The following AFG2A variants were observed in gnomAD, a reference collection of about 807,000 sequenced individuals.
AFG2A encodes ATPase family gene 2 protein homolog A.
the AFG2A span, chr4:123,057,358 T>C: frequency 1.4e-6 from 2 of 1,466,052 alleles, no homozygotes; most frequent in African/African-American, 1.4e-5. Context: ...AATTATGGTA[T>C]AAATAGCATT....
chr4:123,151,988 G>A, the AFG2A span, among the ~76,000 whole-genome samples: 2 of 152,150 alleles, frequency 1.3e-5, no homozygotes, highest in Non-Finnish European at 1.5e-5. Flanking sequence ...GGACATGGTT[G>A]AAACTGGAAA....
chr4:123,223,186 C>A, the AFG2A span, among the ~76,000 whole-genome samples: 1 of 152,160 alleles, frequency 6.6e-6, no homozygotes, highest in African/African-American at 2.4e-5. Flanking sequence ...TTTTCCACAT[C>A]CTCACCAACT....
chr4:123,299,974 C>G, the AFG2A span, among the ~76,000 whole-genome samples: 1 of 152,142 alleles, frequency 6.6e-6, no homozygotes, highest in Non-Finnish European at 1.5e-5. Context: ...TCTTTTTCTA[C>G]AACTCTTTGC....
At chr4:123,037,772 AT>A in the AFG2A span, among the ~76,000 whole-genome samples, 4 of 152,102 alleles carry the variant, frequency 2.6e-5, no homozygotes, top group Non-Finnish European at 5.9e-5. Context: ...TTAAAAAATT[AT>A]TTTTAGCAGC....
chr4:123,122,781 GT>G, the AFG2A span, among the ~76,000 whole-genome samples: 115 of 132,174 alleles, frequency 8.7e-4, 1 homozygote, highest in East Asian at 6.4e-3. Flanking sequence ...CTGTTTTTTT[GT>G]TTTTTTTTTT....
chr4:123,092,164 A>G, the AFG2A span, among the ~76,000 whole-genome samples: 16 of 152,156 alleles, frequency 1.1e-4, no homozygotes, highest in African/African-American at 3.6e-4. Context: ...GCATCTCTGA[A>G]GTCTATACAA....
the AFG2A span, among the ~76,000 whole-genome samples, chr4:123,117,237 A>C: frequency 6.6e-6 from 1 of 151,910 alleles, no homozygotes; most frequent in Admixed American, 6.6e-5. Context: ...TTCTTTGTTC[A>C]TTTCATAAAG....
At chr4:123,199,888 A>C in the AFG2A span, among the ~76,000 whole-genome samples, 1 of 152,186 alleles carries the variant, frequency 6.6e-6, no homozygotes, top group Non-Finnish European at 1.5e-5. Context: ...TGTAGTTTTT[A>C]TTTTATGTGG....
the AFG2A span, among the ~76,000 whole-genome samples, chr4:123,191,097 G>A: frequency 6.6e-6 from 1 of 152,080 alleles, no homozygotes; most frequent in African/African-American, 2.4e-5. Flanking sequence ...GTTTGGCAGG[G>A]TAATTCTGAT....
the AFG2A span, among the ~76,000 whole-genome samples, chr4:122,932,601 G>A: frequency 6.6e-6 from 1 of 152,126 alleles, no homozygotes; most frequent in Admixed American, 6.6e-5. Context: ...TTATGCACAA[G>A]AGGAGGAGGA....
chr4:123,143,312 A>G, the AFG2A span, among the ~76,000 whole-genome samples: 3 of 152,078 alleles, frequency 2.0e-5, no homozygotes, highest in Non-Finnish European at 2.9e-5. Flanking sequence ...CTGTTTTACA[A>G]AATATTTCAG....
At chr4:123,169,570 C>T in the AFG2A span, among the ~76,000 whole-genome samples, 4 of 152,268 alleles carry the variant, frequency 2.6e-5, no homozygotes, top group East Asian at 1.9e-4. Flanking sequence ...CTCTGCTTCC[C>T]GGGCTTCAAG....
At chr4:123,095,059 A>ATG in the AFG2A span, among the ~76,000 whole-genome samples, 21 of 117,102 alleles carry the variant, frequency 1.8e-4, no homozygotes, top group African/African-American at 6.5e-4. Flanking sequence ...ATATATATAT[A>ATG]TATATATGTG....
At chr4:123,049,567 G>T in the AFG2A span, among the ~76,000 whole-genome samples, 1,607 of 151,968 alleles carry the variant, frequency 0.011, 29 homozygotes, top group African/African-American at 0.036. Flanking sequence ...GTCTTGGTAA[G>T]TTGTGTCCAG....
At chr4:123,076,952 C>A in the AFG2A span, among the ~76,000 whole-genome samples, 1 of 46,558 alleles carries the variant, frequency 2.1e-5, no homozygotes, top group Admixed American at 2.0e-4. Flanking sequence ...AAACTCAAGC[C>A]CTGTGCTGTG....
the AFG2A span, among the ~76,000 whole-genome samples, chr4:122,929,996 A>C: frequency 0.015 from 2,359 of 152,268 alleles, 57 homozygotes; most frequent in African/African-American, 0.052. Context: ...AGTGTTTTTC[A>C]CCTTGACTTG....
chr4:123,030,123 T>A, the AFG2A span, among the ~76,000 whole-genome samples: 3 of 152,236 alleles, frequency 2.0e-5, no homozygotes, highest in Non-Finnish European at 4.4e-5. Flanking sequence ...TCTACAATTG[T>A]ATATTCATAG....
At chr4:123,022,692 C>T in the AFG2A span, among the ~76,000 whole-genome samples, 3 of 150,876 alleles carry the variant, frequency 2.0e-5, no homozygotes, top group African/African-American at 7.3e-5. Context: ...TGGGTATATA[C>T]CCAAAGGACT....
chr4:123,256,255 T>C, the AFG2A span: 7 of 1,544,002 alleles, frequency 4.5e-6, no homozygotes, highest in Non-Finnish European at 6.2e-6. Flanking sequence ...AATAAATTGC[T>C]TGCCCTGAGG....
Sources: gnomAD v4.1 joint callset for allele counts (sites outside exome capture counted in the v4.1 genomes callset) on GRCh38, gnomAD v4.1.1 for gene constraint, MANE v1.5 for transcripts, NCBI Gene and HGNC (gene_info 2026-07-23, HGNC 2026-07-21) for gene names.